The following KLHL13 variants were observed in gnomAD, a reference collection of about 807,000 sequenced individuals.
KLHL13 encodes kelch-like protein 13.
A neutral mutation model predicts 37.1 loss-of-function variants in KLHL13; 10 were observed. The observed-to-expected ratio is 0.27, with a 90% confidence interval of 0.17 to 0.46. The LOEUF (loss-of-function observed/expected upper bound fraction) is 0.46, where lower values mean the gene tolerates loss of function less well. KLHL13 is among the 20% of genes least tolerant of loss of function. The probability of loss-of-function intolerance (pLI) is 1.00; values close to 1 mark genes in which losing one functional copy is unlikely to be tolerated. For synonymous variants in KLHL13, 163 were observed against 181.2 expected (o/e 0.90, Z 0.81); for missense variants, 360 against 509.3 (o/e 0.71, Z 2.82).
chrX:118,017,798 AT>A (rs1383052923), intron 1 of KLHL13, among the ~76,000 whole-genome samples: 1 of 111,738 alleles, frequency 8.9e-6, no homozygotes, highest in Non-Finnish European at 1.9e-5. Context: ...TGGTAAAAAT[AT>A]GATTGTACAG....
chrX:117,930,290 A>AGGCAGGCAGGCAGGC (rs1395702430), intron 2 of KLHL13, among the ~76,000 whole-genome samples: 48 of 77,942 alleles, frequency 6.2e-4, no homozygotes, highest in African/African-American at 2.9e-3. Flanking sequence ...GGAAGGAAGG[A>AGGCAGGCAGGCAGGC]AGGCAGGCAG....
chrX:117,942,217 T>A (rs766578414), intron 2 of KLHL13, among the ~76,000 whole-genome samples: 2 of 111,919 alleles, frequency 1.8e-5, no homozygotes, highest in Non-Finnish European at 3.8e-5. Flanking sequence ...TTCTGTTCTT[T>A]TACACTTACT....
intron 1 of KLHL13, among the ~76,000 whole-genome samples, chrX:118,042,292 C>A (rs1326169173): frequency 9.0e-6 from 1 of 111,499 alleles, no homozygotes. Flanking sequence ...GCATTGGACA[C>A]ATCACCCAGA....
chrX:118,035,542 A>T (rs2054427169), intron 1 of KLHL13, among the ~76,000 whole-genome samples: 1 of 108,465 alleles, frequency 9.2e-6, no homozygotes, highest in African/African-American at 3.6e-5. Flanking sequence ...AAATTCAACA[A>T]CCCTTCATGC....
upstream of KLHL13, among the ~76,000 whole-genome samples, chrX:117,974,990 A>G (rs966051967): frequency 3.6e-5 from 4 of 111,949 alleles, no homozygotes; most frequent in South Asian, 1.5e-3. Context: ...AGGAATATTT[A>G]TCAATGCGCT....
chrX:117,963,191 A>G (rs1302055012), intron 1 of KLHL13, among the ~76,000 whole-genome samples: 2 of 112,012 alleles, frequency 1.8e-5, no homozygotes, highest in Non-Finnish European at 3.8e-5. Context: ...TTCTTGCCTT[A>G]GCATGACATA....
intron 1 of KLHL13, among the ~76,000 whole-genome samples, chrX:117,982,830 G>A (rs1385234479): frequency 9.0e-6 from 1 of 111,143 alleles, no homozygotes; most frequent in African/African-American, 3.3e-5. Flanking sequence ...TCAGTCCCTG[G>A]CCTGCCTTAG....
At chrX:118,006,567 T>C in intron 1 of KLHL13, among the ~76,000 whole-genome samples, 1 of 112,043 alleles carries the variant, frequency 8.9e-6, no homozygotes, top group Non-Finnish European at 1.9e-5. Flanking sequence ...GCCACAGCTA[T>C]TCTTAGAAAA....
chrX:118,029,391 T>C (rs950533271), intron 1 of KLHL13, among the ~76,000 whole-genome samples: 32 of 111,964 alleles, frequency 2.9e-4, no homozygotes, highest in Non-Finnish European at 3.8e-5. Context: ...AAATAGCGGA[T>C]AGAAATATTT....
chrX:118,094,189 C>A (rs1569315442), intron 1 of KLHL13, among the ~76,000 whole-genome samples: 1 of 110,471 alleles, frequency 9.1e-6, no homozygotes, highest in Non-Finnish European at 1.9e-5. Flanking sequence ...GCAGAGAAGT[C>A]CTTAAAGGAC....
chrX:118,089,742 C>G (rs781386110), intron 1 of KLHL13, among the ~76,000 whole-genome samples: 2 of 110,671 alleles, frequency 1.8e-5, no homozygotes, highest in South Asian at 3.9e-4. Flanking sequence ...TCAAAAAAAT[C>G]ATTTGCCATA....
intron 1 of KLHL13, among the ~76,000 whole-genome samples, chrX:118,035,384 C>A (rs1275338315): frequency 9.2e-6 from 1 of 108,161 alleles, no homozygotes; most frequent in Non-Finnish European, 1.9e-5. Context: ...CATCAAAAAG[C>A]TTATCCACCA....
intron 1 of KLHL13, among the ~76,000 whole-genome samples, chrX:118,035,437 T>A (rs914508954): frequency 3.7e-5 from 4 of 109,581 alleles, no homozygotes; most frequent in Non-Finnish European, 7.5e-5. Context: ...GCTGGTTCAA[T>A]ATACGCAAAT....
chrX:118,001,710 G>A (rs1041064277), intron 1 of KLHL13, among the ~76,000 whole-genome samples: 1 of 109,622 alleles, frequency 9.1e-6, no homozygotes, highest in African/African-American at 3.3e-5. Flanking sequence ...CCAAAAATAC[G>A]AAAAATTAGC....
intron 1 of KLHL13, among the ~76,000 whole-genome samples, chrX:118,106,140 G>T (rs868352870): frequency 4.8e-5 from 5 of 103,963 alleles, no homozygotes; most frequent in African/African-American, 1.8e-4. Context: ...CTCGTGATCC[G>T]CCCGCTTTGG....
chrX:118,080,311 G>GA (rs772053002), intron 1 of KLHL13, among the ~76,000 whole-genome samples: 1 of 111,297 alleles, frequency 9.0e-6, no homozygotes, highest in Non-Finnish European at 1.9e-5. Flanking sequence ...CACAGCAAAA[G>GA]AAACTGTCAA....
chrX:118,064,762 C>T (rs963645881), intron 1 of KLHL13, among the ~76,000 whole-genome samples: 1 of 111,753 alleles, frequency 8.9e-6, no homozygotes. Context: ...AGCTTAAATG[C>T]TAGCCTCACT....
At chrX:117,992,095 T>C (rs1252844272) in intron 1 of KLHL13, among the ~76,000 whole-genome samples, 3 of 110,174 alleles carry the variant, frequency 2.7e-5, no homozygotes, top group African/African-American at 9.9e-5. Flanking sequence ...GCTGTTGCCC[T>C]GAGGGAATGA....
chrX:118,006,724 CA>C (rs931005938), intron 1 of KLHL13, among the ~76,000 whole-genome samples: 7 of 108,313 alleles, frequency 6.5e-5, no homozygotes, highest in East Asian at 2.9e-4. Context: ...GTTCTAAAAA[CA>C]AAAAAAAAGG....
Sources: allele counts gnomAD v4.1 joint callset (sites outside exome capture counted in the v4.1 genomes callset), GRCh38; gene constraint gnomAD v4.1.1; transcripts MANE v1.5; gene names NCBI Gene and HGNC (gene_info 2026-07-23, HGNC 2026-07-21).